MACROD2: variants seen among roughly 807,000 people sequenced by gnomAD.
MACROD2 encodes the protein ADP-ribose glycohydrolase MACROD2.
Under a neutral mutation model 70.4 loss-of-function variants are expected in MACROD2, and 36 were observed. The observed-to-expected ratio is 0.51, with a 90% CI of 0.39 to 0.68. MACROD2 has a LOEUF of 0.68. Ranked by LOEUF, MACROD2 falls within the 30% of genes least tolerant of loss-of-function variation. The pLI, the probability that MACROD2 is intolerant of heterozygous loss-of-function variation, is 0.00. For synonymous variants in MACROD2, 172 were observed against 178.8 expected (o/e 0.96, Z 0.30); for missense variants, 496 against 538.4 (o/e 0.92, Z 0.78).
chr20:14,410,951 A>G (rs1321965827), intron 3 of MACROD2, among the ~76,000 whole-genome samples: 1 of 152,104 alleles, frequency 6.6e-6, no homozygotes, highest in Non-Finnish European at 1.5e-5. Context: ...AGCCCTACCC[A>G]GACAGTGGGA....
intron 5 of MACROD2, among the ~76,000 whole-genome samples, chr20:14,711,455 C>T (rs991378270): frequency 2.6e-5 from 4 of 152,100 alleles, no homozygotes; most frequent in Admixed American, 2.0e-4. Flanking sequence ...GTTTAAGCAA[C>T]CCATTTATTT....
intron 5 of MACROD2, among the ~76,000 whole-genome samples, chr20:15,132,163 G>A (rs2076111032): frequency 1.3e-5 from 2 of 152,002 alleles, no homozygotes; most frequent in Non-Finnish European, 2.9e-5. Flanking sequence ...AATTCACAAT[G>A]TGACTATAAT....
At chr20:15,808,445 A>G (rs147639275) in intron 8 of MACROD2, among the ~76,000 whole-genome samples, 7 of 152,238 alleles carry the variant, frequency 4.6e-5, no homozygotes, top group African/African-American at 1.7e-4. Context: ...CATAAATTAA[A>G]TAGCTTTACA....
At chr20:14,220,191 GC>G (rs2081658716) in intron 3 of MACROD2, among the ~76,000 whole-genome samples, 1 of 152,070 alleles carries the variant, frequency 6.6e-6, no homozygotes, top group Non-Finnish European at 1.5e-5. Flanking sequence ...CTGTCCTTGG[GC>G]GGGTCTTGCT....
chr20:14,590,677 C>T (rs1309487282), intron 4 of MACROD2, among the ~76,000 whole-genome samples: 2 of 152,030 alleles, frequency 1.3e-5, no homozygotes, highest in African/African-American at 4.8e-5. Context: ...CCTGCTTGCC[C>T]AGTTTTTCTC....
intron 4 of MACROD2, among the ~76,000 whole-genome samples, chr20:14,502,215 T>C (rs902706263): frequency 1.3e-5 from 2 of 152,214 alleles, no homozygotes; most frequent in Non-Finnish European, 2.9e-5. Context: ...CTGATGTAGC[T>C]CCACAGTAAT....
At chr20:15,567,425 TGAGA>T (rs1005556150) in intron 8 of MACROD2, among the ~76,000 whole-genome samples, 1 of 152,120 alleles carries the variant, frequency 6.6e-6, no homozygotes, top group African/African-American at 2.4e-5. Flanking sequence ...GCTCAGCACT[TGAGA>T]TGCCAGGACG....
At chr20:15,638,786 G>C (rs2049409165) in intron 8 of MACROD2, among the ~76,000 whole-genome samples, 1 of 152,166 alleles carries the variant, frequency 6.6e-6, no homozygotes, top group Admixed American at 6.5e-5. Flanking sequence ...AAAGGGGCCA[G>C]GTGGTTAACT....
chr20:15,395,750 C>A (rs75574070), intron 6 of MACROD2, among the ~76,000 whole-genome samples: 4,506 of 152,268 alleles, frequency 0.03, 93 homozygotes, highest in Middle Eastern at 0.058. Flanking sequence ...TTTGTTCCTG[C>A]CTTAAGATGC....
At chr20:15,066,194 C>T (rs949683499) in intron 5 of MACROD2, among the ~76,000 whole-genome samples, 3 of 151,222 alleles carry the variant, frequency 2.0e-5, no homozygotes, top group Non-Finnish European at 2.9e-5. Context: ...TACAATGGTA[C>T]GATCTCAGCT....
chr20:14,005,396 A>G (rs1444492137), intron 2 of MACROD2, among the ~76,000 whole-genome samples: 1 of 152,196 alleles, frequency 6.6e-6, no homozygotes, highest in Non-Finnish European at 1.5e-5. Context: ...ACATATTTCT[A>G]ATTCTTCCTC....
At chr20:14,929,094 C>CA (rs2074267711) in intron 5 of MACROD2, among the ~76,000 whole-genome samples, 2 of 152,136 alleles carry the variant, frequency 1.3e-5, no homozygotes, top group Non-Finnish European at 2.9e-5. Context: ...TCTCTACTCT[C>CA]ATAACGCTTC....
At chr20:15,556,546 T>G (rs2048171878) in intron 8 of MACROD2, among the ~76,000 whole-genome samples, 1 of 152,244 alleles carries the variant, frequency 6.6e-6, no homozygotes, top group African/African-American at 2.4e-5. Context: ...GTAATGAAGT[T>G]CTTCAATGAT....
intron 3 of MACROD2, chr20:14,128,484 A>C (rs2054679758): frequency 2.0e-5 from 3 of 152,796 alleles, no homozygotes; most frequent in African/African-American, 7.2e-5. Context: ...CTATGTCCAT[A>C]ACATAAAAGT....
chr20:15,111,064 T>C (rs2123220567), intron 5 of MACROD2, among the ~76,000 whole-genome samples: 1 of 152,308 alleles, frequency 6.6e-6, no homozygotes, highest in East Asian at 1.9e-4. Flanking sequence ...TGAAATAACT[T>C]TCTCAAAGTC....
chr20:14,178,365 T>C (rs889438449), intron 3 of MACROD2, among the ~76,000 whole-genome samples: 12 of 152,162 alleles, frequency 7.9e-5, no homozygotes, highest in Non-Finnish European at 1.8e-4. Flanking sequence ...TTTTTAAAAA[T>C]GAGGAACATA....
At chr20:15,886,314 G>T (rs1406194913) in intron 10 of MACROD2, among the ~76,000 whole-genome samples, 1 of 152,114 alleles carries the variant, frequency 6.6e-6, no homozygotes, top group Non-Finnish European at 1.5e-5. Context: ...ACCTTTATGT[G>T]GCCTGGGCTT....
chr20:14,624,316 A>G (rs1984006772), intron 4 of MACROD2, among the ~76,000 whole-genome samples: 2 of 152,198 alleles, frequency 1.3e-5, no homozygotes, highest in African/African-American at 2.4e-5. Context: ...TGGAGGTAGC[A>G]TACATATTTC....
chr20:15,892,990 G>T, intron 10 of MACROD2: 1 of 398,990 alleles, frequency 2.5e-6, no homozygotes, highest in Non-Finnish European at 4.4e-6. Flanking sequence ...AAGCCAGAAT[G>T]TTCGAAAGAC....
Sources: gnomAD v4.1 joint callset for allele counts (sites outside exome capture counted in the v4.1 genomes callset) on GRCh38, gnomAD v4.1.1 for gene constraint, MANE v1.5 for transcripts, NCBI Gene and HGNC (gene_info 2026-07-23, HGNC 2026-07-21) for gene names.